TXNRD1: variants seen among roughly 807,000 people sequenced by gnomAD.
The protein encoded by TXNRD1 is thioredoxin reductase 1, cytoplasmic.
A neutral mutation model predicts 80.3 loss-of-function variants in TXNRD1; 57 were observed. The observed-to-expected ratio is 0.71, with a 90% CI of 0.57 to 0.89. The LOEUF is 0.89. TXNRD1 is among the 40% of genes least tolerant of loss of function. TXNRD1 has a pLI of 0.00. For missense variants in TXNRD1, 730 were observed against 803.0 expected (o/e 0.91, Z 1.10); for synonymous variants, 291 against 285.2 (o/e 1.02, Z -0.20).
intron 2 of TXNRD1, 72 bp downstream of exon 2, chr12:104,251,750 C>A (rs1040767001): frequency 7.1e-6 from 11 of 1,546,194 alleles, no homozygotes; most frequent in Non-Finnish European, 1.8e-6. Context: ...CAAATGTAAA[C>A]AACTGGATTT....
chr12:104,254,644 A>AAAAAAAAAAAAAATATATAT, intron 2 of TXNRD1, among the ~76,000 whole-genome samples: 5 of 93,648 alleles, frequency 5.3e-5, no homozygotes, highest in Admixed American at 1.3e-4. Flanking sequence ...AAAAAAAAAA[A>AAAAAAAAAAAAAATATATAT]ATATATATAT....
At chr12:104,331,273 TG>T (rs1370204545) in intron 13 of TXNRD1, among the ~76,000 whole-genome samples, 3 of 152,208 alleles carry the variant, frequency 2.0e-5, no homozygotes, top group African/African-American at 7.2e-5. Flanking sequence ...TAACATCAGT[TG>T]GTTGATGGAT....
chr12:104,293,993 C>T (rs916539297), intron 4 of TXNRD1, among the ~76,000 whole-genome samples: 17 of 152,142 alleles, frequency 1.1e-4, no homozygotes, highest in African/African-American at 3.6e-4. Flanking sequence ...AGACAGCTTA[C>T]GCCATTATTT....
intron 2 of TXNRD1, among the ~76,000 whole-genome samples, chr12:104,254,446 G>A (rs1477119926): frequency 2.0e-5 from 3 of 151,274 alleles, no homozygotes; most frequent in African/African-American, 7.3e-5. Flanking sequence ...CCATTTGAGT[G>A]CCAACTATGT....
rs1207813674 is a variant in TXNRD1 at position 104,321,784 on chromosome 12, A to G, written c.1215+468A>G. On this transcript the variant is annotated intron_variant, in intron 10 of 16. Transcript: ENST00000525566. ...CTGAAAGTGATTATCTCATTTATTT[A>G]TGTGTGCTAACCTTTTTCGCTCTTT... Among the ~76,000 whole-genome samples the G allele has an allele frequency of 3.3e-5, 5 of 152,216 alleles. No homozygotes were observed. The East Asian group carries it at 9.6e-4, about 29-fold the overall frequency.
chr12:104,340,952 T>A (rs1565916064), intron 16 of TXNRD1, among the ~76,000 whole-genome samples: 1 of 152,174 alleles, frequency 6.6e-6, no homozygotes, highest in Non-Finnish European at 1.5e-5. Context: ...CTTTTGTATA[T>A]GAGTGTCTAA....
At chr12:104,315,970 C>G in intron 7 of TXNRD1, 74 bp downstream of exon 7, 1 of 1,500,216 alleles carries the variant, frequency 6.7e-7, no homozygotes, top group Non-Finnish European at 9.0e-7. Context: ...ATGCGTCGTC[C>G]ATTTTCATGA....
chr12:104,310,671 G>A (rs187679177), intron 4 of TXNRD1, among the ~76,000 whole-genome samples: 1 of 152,182 alleles, frequency 6.6e-6, no homozygotes, highest in East Asian at 1.9e-4. Context: ...ATAAAAGTCT[G>A]TTACTTGCTA....
At chr12:104,284,610 CTA>C (rs1428518266) in intron 3 of TXNRD1, among the ~76,000 whole-genome samples, 1 of 152,132 alleles carries the variant, frequency 6.6e-6, no homozygotes, top group African/African-American at 2.4e-5. Flanking sequence ...TGAGTACCTA[CTA>C]TATACCAGAT....
chr12:104,300,465 A>G (rs2034584893), intron 4 of TXNRD1, among the ~76,000 whole-genome samples: 1 of 152,224 alleles, frequency 6.6e-6, no homozygotes, highest in Non-Finnish European at 1.5e-5. Context: ...ATTCCTGGTC[A>G]CAGACAAATT....
At chr12:104,218,471 C>G (rs2032273126) in intron 1 of TXNRD1, among the ~76,000 whole-genome samples, 1 of 152,154 alleles carries the variant, frequency 6.6e-6, no homozygotes, top group Non-Finnish European at 1.5e-5. Context: ...CTCTTACCCC[C>G]ATACCAAGGG....
At chr12:104,317,639 G>A (rs2035378032) in intron 7 of TXNRD1, among the ~76,000 whole-genome samples, 1 of 152,104 alleles carries the variant, frequency 6.6e-6, no homozygotes, top group African/African-American at 2.4e-5. Context: ...CCAGAAGTTC[G>A]AGACTACCTT....
At chr12:104,335,293 C>T (rs1461048463) in intron 15 of TXNRD1, among the ~76,000 whole-genome samples, 2 of 151,264 alleles carry the variant, frequency 1.3e-5, no homozygotes, top group Admixed American at 6.6e-5. Flanking sequence ...CCTTCGCCTC[C>T]CAGGTTCAAG....
chr12:104,338,389 A>C (rs185742595), intron 15 of TXNRD1, among the ~76,000 whole-genome samples: 30 of 151,778 alleles, frequency 2.0e-4, no homozygotes, highest in Admixed American at 3.9e-4. Flanking sequence ...TGTTAGCAGC[A>C]GTCATTAAAG....
intron 10 of TXNRD1, among the ~76,000 whole-genome samples, chr12:104,322,333 G>A (rs2035562104): frequency 6.6e-6 from 1 of 150,604 alleles, no homozygotes; most frequent in South Asian, 2.1e-4. Flanking sequence ...TTTCCTGGAA[G>A]CTGTCAGTGC....
chr12:104,257,326 T>C (rs549406270), intron 2 of TXNRD1, among the ~76,000 whole-genome samples: 1 of 151,606 alleles, frequency 6.6e-6, no homozygotes, highest in African/African-American at 2.4e-5. Flanking sequence ...AAAAAAGAAA[T>C]AATACTTTAA....
chr12:104,290,424 G>T (rs2034140712), intron 4 of TXNRD1, among the ~76,000 whole-genome samples: 1 of 151,928 alleles, frequency 6.6e-6, no homozygotes, highest in Admixed American at 6.6e-5. Flanking sequence ...GGGTGCGGTG[G>T]CTCACACTTG....
intron 3 of TXNRD1, chr12:104,284,549 T>C (rs1262908313): frequency 6.6e-6 from 1 of 152,246 alleles, no homozygotes. Context: ...AAATTTGTTA[T>C]AGCTTAGATG....
At chr12:104,246,985 T>C (rs986827927) in intron 1 of TXNRD1, among the ~76,000 whole-genome samples, 14 of 152,204 alleles carry the variant, frequency 9.2e-5, no homozygotes, top group African/African-American at 3.4e-4. Flanking sequence ...AAGTACTTCA[T>C]GGATCCAAAT....
Sources: gnomAD v4.1 joint callset for allele counts (sites outside exome capture counted in the v4.1 genomes callset) on GRCh38, gnomAD v4.1.1 for gene constraint, MANE v1.5 for transcripts, NCBI Gene and HGNC (gene_info 2026-07-23, HGNC 2026-07-21) for gene names.